The following CCDC57 variants were observed in gnomAD, a reference collection of about 807,000 sequenced individuals.
CCDC57 encodes the protein coiled-coil domain-containing protein 57.
In CCDC57, 118 loss-of-function variants were observed where a neutral mutation model predicts 118.9. The ratio of observed to expected loss-of-function variants is 0.99; its 90% CI spans 0.86 to 1.16. The LOEUF (loss-of-function observed/expected upper bound fraction) is 1.16. Ranked by LOEUF, CCDC57 falls within the 50% of genes most tolerant of loss-of-function variation. CCDC57 has a pLI of 0.00. For missense variants in CCDC57, 1,300 were observed against 1,320.7 expected (o/e 0.98, Z 0.24); for synonymous variants, 527 against 532.9 (o/e 0.99, Z 0.15).
intron 19 of CCDC57, among the ~76,000 whole-genome samples, chr17:82,108,397 C>T (rs946789865): frequency 6.6e-6 from 1 of 152,198 alleles, no homozygotes; most frequent in Non-Finnish European, 1.5e-5. Flanking sequence ...GCCCTGGTCA[C>T]AGACTGGGCA....
At position 82,172,448 on chromosome 17, in the gene CCDC57, T is replaced by A. The variant is rs1038922573; in HGVS notation, c.1729+190A>T. On this transcript the variant is annotated intron_variant, in intron 12 of 19. Coordinates refer to ENST00000665763, the Ensembl canonical transcript of CCDC57. This position sits in a 1 kb window ranked among gnomAD's most constrained non-coding sequence, Gnocchi z 5.2. ...TTACAAATATAAAAGCTTTTTGGTA[T>A]AAAACTTAAGATCCCTTCTCTTGGA... Among the ~76,000 whole-genome samples the A allele has an allele frequency of 6.6e-6, 1 of 152,268 alleles. No homozygotes were observed. Among genetic ancestry groups the A allele is most frequent in the African/African-American group, 2.4e-5 (1 of 41,478 alleles).
chr17:82,148,051 T>G (rs1215944697), intron 16 of CCDC57, among the ~76,000 whole-genome samples: 3 of 100,228 alleles, frequency 3.0e-5, no homozygotes, highest in Non-Finnish European at 3.9e-5. Context: ...GATGGGTGGG[T>G]GGGTGGATGG....
chr17:82,128,562 T>A (rs1240035695), exon 18 of CCDC57: 2 of 1,572,922 alleles, frequency 1.3e-6, no homozygotes, highest in Admixed American at 1.8e-5. Context: ...TTCCCAAGTG[T>A]CTGGAAGGAG....
At chr17:82,160,061 A>G (rs1484615301) in intron 14 of CCDC57, 1 of 152,040 alleles carries the variant, frequency 6.6e-6, no homozygotes, top group Non-Finnish European at 1.5e-5. Context: ...CTCCCTGGGC[A>G]GATGGGAAAT....
chr17:82,194,071 C>T (rs2146742891), exon 6 of CCDC57: 1 of 1,613,972 alleles, frequency 6.2e-7, no homozygotes, highest in East Asian at 2.2e-5. Context: ...CCTCTGCCCT[C>T]TGCAGACTCT....
intron 9 of CCDC57, among the ~76,000 whole-genome samples, chr17:82,183,085 C>G (rs1445646304): frequency 6.6e-6 from 1 of 152,178 alleles, no homozygotes; most frequent in African/African-American, 2.4e-5. Flanking sequence ...AGGGTCCTCC[C>G]TTGACACATG....
chr17:82,157,005 G>T (rs1184331170), intron 15 of CCDC57: 1 of 152,368 alleles, frequency 6.6e-6, no homozygotes, highest in Admixed American at 6.5e-5. Flanking sequence ...GTAACTATAG[G>T]TTACCACAGG....
chr17:82,171,639 T>C (rs2146257692), intron 13 of CCDC57, 62 bp downstream of exon 12: 1 of 1,559,984 alleles, frequency 6.4e-7, no homozygotes, highest in East Asian at 2.3e-5. Flanking sequence ...AGCGGACTTT[T>C]GCAGGGGTCA....
At chr17:82,107,669 C>T in intron 19 of CCDC57, 1 of 459,432 alleles carries the variant, frequency 2.2e-6, no homozygotes, top group South Asian at 1.6e-5. Flanking sequence ...GAAACACCCC[C>T]TGCTGTCCAA....
At chr17:82,198,786 C>T (rs920250572) in intron 3 of CCDC57, among the ~76,000 whole-genome samples, 57 of 151,664 alleles carry the variant, frequency 3.8e-4, no homozygotes, top group Non-Finnish European at 1.2e-4. Flanking sequence ...GTCAGGAGAT[C>T]GAGAGCATCC....
At chr17:82,161,438 C>T (rs2043319226) in intron 14 of CCDC57, among the ~76,000 whole-genome samples, 1 of 152,188 alleles carries the variant, frequency 6.6e-6, no homozygotes, top group South Asian at 2.1e-4. Context: ...CATAAGTCCA[C>T]ACAGGAACTT....
chr17:82,149,263 G>A (rs113589741), intron 16 of CCDC57, among the ~76,000 whole-genome samples: 1 of 147,238 alleles, frequency 6.8e-6, no homozygotes, highest in African/African-American at 2.5e-5. Flanking sequence ...ATGGATGGGG[G>A]GGGTGGGTGA....
At chr17:82,202,378 G>GA (rs2049103306) in intron 2 of CCDC57, among the ~76,000 whole-genome samples, 1 of 152,048 alleles carries the variant, frequency 6.6e-6, no homozygotes, top group African/African-American at 2.4e-5. Flanking sequence ...TGAGGCAGGA[G>GA]AATCGCTTGA....
intron 9 of CCDC57, among the ~76,000 whole-genome samples, chr17:82,180,728 G>A (rs1235962972): frequency 1.3e-5 from 2 of 152,206 alleles, no homozygotes; most frequent in African/African-American, 4.8e-5. Flanking sequence ...GCCCGCCTCG[G>A]CCTCCCAAAG....
intron 15 of CCDC57, chr17:82,152,074 C>G (rs2042131438): frequency 2.4e-6 from 1 of 410,758 alleles, no homozygotes. Context: ...TTCTGGTCAT[C>G]TATGCCTTTG....
intron 15 of CCDC57, chr17:82,154,583 A>T (rs961359751): frequency 2.6e-5 from 4 of 152,610 alleles, no homozygotes; most frequent in African/African-American, 9.7e-5. Flanking sequence ...CCAGGGTCCC[A>T]CGTGGCATTT....
rs75081471 is a variant in CCDC57 at position 82,197,677 on chromosome 17, T to G, written c.516+637A>C. 3.3e-5 allele frequency among the ~76,000 whole-genome samples: 5 copies of G among 152,326 alleles called. No homozygotes were observed. In the East Asian group the frequency reaches 9.6e-4, roughly 29 times the overall value. ...GCCCGGATAGCTGGTAAAAAATTATTTCTGGGAGTGTCTGCAAGGGTGTTT... is the reference window on the plus strand; with the variant it reads ...GCCCGGATAGCTGGTAAAAAATTATGTCTGGGAGTGTCTGCAAGGGTGTTT... On this transcript the variant is annotated intron_variant, in intron 4 of 19. Transcript: ENST00000665763.
chr17:82,134,370 C>T (rs184927044), intron 16 of CCDC57, 176 bp from the exon 16 acceptor site: 28 of 490,356 alleles, frequency 5.7e-5, no homozygotes, highest in Admixed American at 3.1e-4. Context: ...CACAGCATTT[C>T]GGTAGAGCTC....
At chr17:82,204,708 C>T (rs976327488) in intron 2 of CCDC57, among the ~76,000 whole-genome samples, 4 of 151,972 alleles carry the variant, frequency 2.6e-5, no homozygotes, top group Middle Eastern at 3.2e-3. Context: ...GCGTGAACCC[C>T]GGAGGCGAAG....
Sources: allele counts gnomAD v4.1 joint callset (sites outside exome capture counted in the v4.1 genomes callset), GRCh38; gene constraint gnomAD v4.1.1; non-coding constraint Gnocchi (gnomAD v3.1); transcripts MANE v1.5; gene names NCBI Gene and HGNC (gene_info 2026-07-23, HGNC 2026-07-21).